Variants in SGCZ observed in about 807,000 individuals in gnomAD.
SGCZ encodes sarcoglycan zeta.
A neutral mutation model predicts 41.3 loss-of-function variants in SGCZ; 40 were observed. The observed-to-expected ratio is 0.97, with a 90% CI of 0.75 to 1.26. The LOEUF is 1.26. Ranked by LOEUF, SGCZ falls within the 50% of genes most tolerant of loss-of-function variation. The pLI, the probability that SGCZ is intolerant of heterozygous loss-of-function variation, is 0.00. For missense variants in SGCZ, 552 were observed against 369.8 expected (o/e 1.49, Z -4.04); for synonymous variants, 206 against 137.5 (o/e 1.50, Z -3.49).
intron 5 of SGCZ, among the ~76,000 whole-genome samples, chr8:14,108,838 G>GTA (rs1802289220): frequency 6.6e-6 from 1 of 152,186 alleles, no homozygotes; most frequent in Non-Finnish European, 1.5e-5. Context: ...AAGTCAGTGA[G>GTA]TATTCCCACT....
chr8:14,125,813 A>G (rs924871024), intron 5 of SGCZ, among the ~76,000 whole-genome samples: 7 of 152,188 alleles, frequency 4.6e-5, no homozygotes, highest in Admixed American at 3.9e-4. Context: ...TACCAGAAGT[A>G]AGACCACACC....
intron 2 of SGCZ, among the ~76,000 whole-genome samples, chr8:14,446,835 T>C (rs1218621230): frequency 1.3e-5 from 2 of 152,200 alleles, no homozygotes; most frequent in East Asian, 1.9e-4. Flanking sequence ...TATAGTGTTA[T>C]TTTTAAAAGC....
intron 1 of SGCZ, among the ~76,000 whole-genome samples, chr8:14,982,477 G>T (rs897201671): frequency 2.0e-5 from 3 of 152,104 alleles, no homozygotes; most frequent in Non-Finnish European, 4.4e-5. Context: ...ATGGGCTTTG[G>T]AGTCAACTCT....
chr8:14,466,973 G>A (rs1245151791), intron 2 of SGCZ, among the ~76,000 whole-genome samples: 1 of 151,240 alleles, frequency 6.6e-6, no homozygotes, highest in Non-Finnish European at 1.5e-5. Flanking sequence ...TTTTTTATTT[G>A]TTCTTCTGAA....
chr8:14,524,825 C>A (rs2117108836), intron 2 of SGCZ, among the ~76,000 whole-genome samples: 1 of 151,840 alleles, frequency 6.6e-6, no homozygotes, highest in East Asian at 2.0e-4. Context: ...CATATATCTC[C>A]TTTTTGTTTT....
intron 1 of SGCZ, among the ~76,000 whole-genome samples, chr8:15,083,786 G>T (rs1397360394): frequency 6.6e-6 from 1 of 151,992 alleles, no homozygotes; most frequent in African/African-American, 2.4e-5. Flanking sequence ...TTGAGATGGG[G>T]TCTCCCTACG....
chr8:14,571,072 G>C (rs1234678018), intron 1 of SGCZ, among the ~76,000 whole-genome samples: 3 of 152,132 alleles, frequency 2.0e-5, no homozygotes, highest in Non-Finnish European at 4.4e-5. Context: ...AAAGGAAAGA[G>C]GTTTGACTCT....
At chr8:14,731,821 G>T (rs1337419278) in intron 1 of SGCZ, among the ~76,000 whole-genome samples, 1 of 152,032 alleles carries the variant, frequency 6.6e-6, no homozygotes, top group Non-Finnish European at 1.5e-5. Context: ...CTCAATCTGA[G>T]TACCACTTTT....
At chr8:14,383,879 A>T (rs1317013944) in intron 2 of SGCZ, among the ~76,000 whole-genome samples, 1 of 152,184 alleles carries the variant, frequency 6.6e-6, no homozygotes, top group Non-Finnish European at 1.5e-5. Context: ...GAAACTACAG[A>T]ACTTACAGGC....
chr8:14,786,553 G>A (rs1025747664), intron 1 of SGCZ, among the ~76,000 whole-genome samples: 8 of 149,462 alleles, frequency 5.4e-5, no homozygotes, highest in African/African-American at 2.1e-4. Flanking sequence ...AATTATTTGA[G>A]TGCTGTTTTC....
Position 14,607,479 on chromosome 8 carries a change from T to C in SGCZ, c.40-52553A>G, listed in dbSNP as rs7823107. ...TATCCTGAGTTAAAATAATCTATTT[T>C]CAAACAGACATCATTTCCCTTCCAA... On this transcript the variant is annotated intron_variant, in intron 1 of 7. Coordinates refer to ENST00000382080, the MANE Select transcript of SGCZ (RefSeq NM_139167.4). Among the ~76,000 whole-genome samples the C allele has an allele frequency of 3.0e-3, 453 of 152,294 alleles. 1 individual carries two copies. The highest frequency in any genetic ancestry group is 8.5e-3 in the African/African-American group (355 of 41,572).
Position 14,317,377 on chromosome 8 carries a change from C to G in SGCZ, c.336+6726G>C, listed in dbSNP as rs143145587. On this transcript the variant is annotated intron_variant, in intron 3 of 7. Coordinates refer to ENST00000382080, the MANE Select transcript of SGCZ (RefSeq NM_139167.4). ...AAGTTACAAGTGCCAAGATTTGAAA[C>G]CAGTTATTGGACTCCAGAGCTGTAG... is the stretch of plus-strand genomic sequence containing the variant. Among the ~76,000 whole-genome samples, 16 of 151,944 alleles carry G rather than the reference C, an allele frequency of 1.1e-4. No individual in the cohort carries two copies. In the East Asian group the frequency reaches 2.7e-3, roughly 26 times the overall value.
In SGCZ at chr8:15,100,520, T is replaced by C. The variant is rs183996544; in HGVS notation, c.39+137065A>G. ...GAAGACTCAATATTAAGAAGTTAGT[T>C]TTTCCCAACTTTATCTGTAGATTCA... On this transcript the variant is annotated intron_variant, in intron 1 of 7. Coordinates refer to ENST00000382080, the MANE Select transcript of SGCZ (RefSeq NM_139167.4). Among the ~76,000 whole-genome samples the C allele has an allele frequency of 3.3e-3, 500 of 152,270 alleles. 5 individuals are homozygous for C. The highest frequency in any genetic ancestry group is 9.6e-4 in the Non-Finnish European group (65 of 68,034).
chr8:14,301,179 A>G (rs554475109), intron 3 of SGCZ, among the ~76,000 whole-genome samples: 1 of 152,052 alleles, frequency 6.6e-6, no homozygotes, highest in South Asian at 2.1e-4. Context: ...TTTAGTATTA[A>G]CATGTACAAC....
At position 15,182,098 on chromosome 8, in the gene SGCZ, C is replaced by A. The variant is rs954289307; in HGVS notation, c.39+55487G>T. ...CCGAAATTCATGGAAGAGTAAATAT[C>A]TTGAAGTAGACTCCTCTATCTAGCA... On this transcript the variant is annotated intron_variant, in intron 1 of 7. Transcript: ENST00000382080. Among the ~76,000 whole-genome samples, 11 of 152,096 alleles carry A rather than the reference C, an allele frequency of 7.2e-5. 1 individual carries two copies. Among genetic ancestry groups the A allele is most frequent in the Admixed American group, 5.2e-4 (8 of 15,274 alleles).
intron 1 of SGCZ, among the ~76,000 whole-genome samples, chr8:14,710,593 T>C (rs1209789285): frequency 1.3e-5 from 2 of 152,064 alleles, no homozygotes; most frequent in Non-Finnish European, 2.9e-5. Context: ...AATAATTATA[T>C]ACTCTGCCTT....
chr8:14,389,711 G>A (rs1804697143), intron 2 of SGCZ, among the ~76,000 whole-genome samples: 2 of 151,882 alleles, frequency 1.3e-5, no homozygotes, highest in Admixed American at 1.3e-4. Flanking sequence ...AGCGGCAAGA[G>A]GAAATGAGAA....
chr8:14,828,995 A>C (rs1429798368), intron 1 of SGCZ, among the ~76,000 whole-genome samples: 1 of 152,120 alleles, frequency 6.6e-6, no homozygotes, highest in Non-Finnish European at 1.5e-5. Context: ...CGAATCTAGA[A>C]AGGACACCTA....
chr8:14,286,703 T>A (rs886656250), intron 3 of SGCZ, among the ~76,000 whole-genome samples: 1 of 152,160 alleles, frequency 6.6e-6, no homozygotes, highest in African/African-American at 2.4e-5. Flanking sequence ...AAGTTTGACT[T>A]TTAGAATTAA....
Sources: allele counts gnomAD v4.1 joint callset (sites outside exome capture counted in the v4.1 genomes callset), GRCh38; gene constraint gnomAD v4.1.1; transcripts MANE v1.5; gene names NCBI Gene and HGNC (gene_info 2026-07-23, HGNC 2026-07-21).